The following SAMMSON variants were observed in gnomAD, a reference collection of about 807,000 sequenced individuals.
The protein encoded by SAMMSON is survival associated mitochondrial melanoma specific oncogenic non-coding RNA.
chr3:70,336,814 TTGTGTGTG>T (rs71126494), intron 7 of SAMMSON, among the ~76,000 whole-genome samples: 193 of 126,660 alleles, frequency 1.5e-3, no homozygotes, highest in African/African-American at 4.2e-3. Context: ...AATAGAAAGT[TTGTGTGTG>T]TGTGTGTGTG....
chr3:70,006,692 T>C (rs549141433), intron 1 of SAMMSON, among the ~76,000 whole-genome samples: 1 of 152,176 alleles, frequency 6.6e-6, no homozygotes, highest in South Asian at 2.1e-4. Context: ...AGTTTTAGGG[T>C]ACATGTGCAC....
At chr3:70,246,106 A>C (rs992623905) in intron 4 of SAMMSON, among the ~76,000 whole-genome samples, 3 of 152,060 alleles carry the variant, frequency 2.0e-5, no homozygotes, top group Non-Finnish European at 4.4e-5. Flanking sequence ...CATAAAAAAA[A>C]ACCCCACAGA....
intron 4 of SAMMSON, among the ~76,000 whole-genome samples, chr3:70,224,629 C>T (rs1238674627): frequency 2.6e-5 from 4 of 152,254 alleles, no homozygotes; most frequent in African/African-American, 7.2e-5. Flanking sequence ...GAGGCAGTAA[C>T]GGGGTCAGTT....
At chr3:70,364,586 G>T (rs1026024252) in intron 9 of SAMMSON, among the ~76,000 whole-genome samples, 7 of 151,854 alleles carry the variant, frequency 4.6e-5, no homozygotes, top group Non-Finnish European at 7.4e-5. Flanking sequence ...ATTTGTGTTG[G>T]TGTAAGCTGG....
chr3:70,430,473 G>A (rs1701404832), intron 2 of SAMMSON, among the ~76,000 whole-genome samples: 1 of 152,078 alleles, frequency 6.6e-6, no homozygotes. Flanking sequence ...CTAGTAGAAG[G>A]AGTAACATGG....
intron 9 of SAMMSON, among the ~76,000 whole-genome samples, chr3:70,384,018 C>A (rs1703099536): frequency 6.6e-6 from 1 of 151,714 alleles, no homozygotes; most frequent in Non-Finnish European, 1.5e-5. Context: ...AGTGAAATGA[C>A]CAACAAAACC....
At chr3:70,010,719 T>A (rs1014672083) in intron 1 of SAMMSON, among the ~76,000 whole-genome samples, 2 of 152,144 alleles carry the variant, frequency 1.3e-5, no homozygotes, top group South Asian at 4.1e-4. Context: ...CTAGACTGGG[T>A]AATTTATAAA....
intron 9 of SAMMSON, among the ~76,000 whole-genome samples, chr3:70,359,982 T>G (rs796513973): frequency 1.3e-5 from 2 of 152,152 alleles, no homozygotes; most frequent in Non-Finnish European, 2.9e-5. Flanking sequence ...TATTTTTTAC[T>G]ATAAAGATCA....
intron 7 of SAMMSON, among the ~76,000 whole-genome samples, chr3:70,334,728 A>G (rs1702649007): frequency 6.6e-6 from 1 of 152,088 alleles, no homozygotes; most frequent in Non-Finnish European, 1.5e-5. Flanking sequence ...AAGAAGCTGA[A>G]AATTGAAAAA....
intron 9 of SAMMSON, among the ~76,000 whole-genome samples, chr3:70,359,548 G>A (rs1370814105): frequency 5.3e-5 from 8 of 152,062 alleles, no homozygotes; most frequent in African/African-American, 1.7e-4. Flanking sequence ...CAGAAAGAGC[G>A]CTTAAATGTT....
chr3:70,047,101 A>G (rs2067129540), intron 3 of SAMMSON, among the ~76,000 whole-genome samples: 1 of 152,134 alleles, frequency 6.6e-6, no homozygotes, highest in Non-Finnish European at 1.5e-5. Flanking sequence ...TACTGCTCAC[A>G]GAAAGATAAA....
chr3:70,231,414 C>T (rs1045984686), intron 4 of SAMMSON, among the ~76,000 whole-genome samples: 1 of 152,182 alleles, frequency 6.6e-6, no homozygotes, highest in African/African-American at 2.4e-5. Flanking sequence ...AAGCTCTACC[C>T]CCAGAGCTCC....
chr3:70,303,119 G>A (rs1336177790), intron 7 of SAMMSON, among the ~76,000 whole-genome samples: 1 of 152,164 alleles, frequency 6.6e-6, no homozygotes, highest in East Asian at 1.9e-4. Context: ...TTCATCAACA[G>A]CACATATCAC....
intron 4 of SAMMSON, among the ~76,000 whole-genome samples, chr3:70,177,668 T>A (rs1256127485): frequency 6.6e-6 from 1 of 152,200 alleles, no homozygotes; most frequent in African/African-American, 2.4e-5. Flanking sequence ...AATATGCTAA[T>A]TGCTTTACAT....
At chr3:70,238,081 G>T (rs1430549564) in intron 4 of SAMMSON, among the ~76,000 whole-genome samples, 2 of 132,546 alleles carry the variant, frequency 1.5e-5, no homozygotes, top group Admixed American at 1.8e-4. Context: ...ACCTTGAGTG[G>T]AAATGGCTTG....
intron 2 of SAMMSON, among the ~76,000 whole-genome samples, chr3:70,399,926 G>GAATTTAACAAGGA (rs1701125877): frequency 1.6e-4 from 25 of 151,564 alleles, no homozygotes; most frequent in African/African-American, 5.6e-4. Context: ...AAATACTTTT[G>GAATTTAACAAGGA]TGTATATCAG....
Position 70,006,599 on chromosome 3 carries a change from T to A in SAMMSON, n.23-5758T>A, listed in dbSNP as rs549765387. Among the ~76,000 whole-genome samples, 29 of 152,294 alleles carry A rather than the reference T, an allele frequency of 1.9e-4. No individual in the cohort carries two copies. In the South Asian group the frequency reaches 4.8e-3, roughly 25 times the overall value. ...CAAAAGGGAATAAAACCACAGCTTA[T>A]CAGGAGCAATGCTCCTTGGATCAAC... On this transcript the variant is annotated intron_variant and non_coding_transcript_variant, in intron 1 of 9. Transcript: ENST00000642114.
chr3:70,223,409 T>C (rs1487062776), intron 4 of SAMMSON, among the ~76,000 whole-genome samples: 1 of 152,178 alleles, frequency 6.6e-6, no homozygotes, highest in South Asian at 2.1e-4. Context: ...TAAACACTCA[T>C]ATCCAGTATT....
intron 4 of SAMMSON, among the ~76,000 whole-genome samples, chr3:70,182,475 A>G (rs557273956): frequency 6.6e-6 from 1 of 152,066 alleles, no homozygotes; most frequent in African/African-American, 2.4e-5. Flanking sequence ...GTACAATTGG[A>G]ATTAGGAGAG....
Sources: gnomAD v4.1 joint callset for allele counts (sites outside exome capture counted in the v4.1 genomes callset) on GRCh38, gnomAD v4.1.1 for gene constraint, MANE v1.5 for transcripts, NCBI Gene and HGNC (gene_info 2026-07-23, HGNC 2026-07-21) for gene names.